CEP192: variants seen among roughly 807,000 people sequenced by gnomAD.
The protein encoded by CEP192 is centrosomal protein 192, also known as centrosomal protein of 192 kDa.
CEP192 carries 151 observed loss-of-function variants against 271.8 expected under a neutral mutation model. The observed-to-expected ratio is 0.56, with a 90% CI of 0.49 to 0.64. The LOEUF (loss-of-function observed/expected upper bound fraction) is 0.64, where lower values mean the gene tolerates loss of function less well. Ranked by LOEUF, CEP192 falls within the 30% of genes least tolerant of loss-of-function variation. CEP192 has a pLI of 0.00. For missense variants in CEP192, 2,910 were observed against 3,020.5 expected, an observed-to-expected ratio of 0.96 and a Z score of 0.86; for synonymous variants, 995 against 1,076.5, an observed-to-expected ratio of 0.92 and a Z score of 1.48.
chr18:13,091,906 CTT>C (rs2039164110), intron 33 of CEP192, among the ~76,000 whole-genome samples: 2 of 152,134 alleles, frequency 1.3e-5, no homozygotes, highest in African/African-American at 4.8e-5. Context: ...GATTTTTCCT[CTT>C]TGCAGTAGAG....
intron 34 of CEP192, among the ~76,000 whole-genome samples, chr18:13,093,556 T>G (rs538485100): frequency 5.3e-5 from 8 of 152,316 alleles, no homozygotes; most frequent in African/African-American, 1.7e-4. Flanking sequence ...AGGTGAAGCC[T>G]GGAGAAGTCT....
At chr18:13,106,916 C>A (rs2039984587) in intron 40 of CEP192, among the ~76,000 whole-genome samples, 1 of 152,206 alleles carries the variant, frequency 6.6e-6, no homozygotes, top group Non-Finnish European at 1.5e-5. Context: ...TCCACTGTAG[C>A]CAAAATTATC....
chr18:13,124,169 AAG>A (rs2040800458), intron 44 of CEP192, among the ~76,000 whole-genome samples: 1 of 151,496 alleles, frequency 6.6e-6, no homozygotes, highest in Non-Finnish European at 1.5e-5. Context: ...TCAAAAAAAA[AAG>A]GATCATATGA....
intron 27 of CEP192, among the ~76,000 whole-genome samples, chr18:13,070,272 A>G (rs573088671): frequency 3.3e-5 from 5 of 152,204 alleles, no homozygotes; most frequent in African/African-American, 1.2e-4. Flanking sequence ...TACCTAATAC[A>G]TGGTGTGACT....
chr18:13,031,243 G>GTTTTT (rs60557979), intron 11 of CEP192, among the ~76,000 whole-genome samples: 67 of 101,648 alleles, frequency 6.6e-4, no homozygotes, highest in African/African-American at 1.8e-3. Context: ...CCTTATTGTT[G>GTTTTT]TTTTTTTTTT....
chr18:13,103,221 GTC>G (rs1270109284), intron 38 of CEP192, among the ~76,000 whole-genome samples: 1 of 152,178 alleles, frequency 6.6e-6, no homozygotes, highest in Admixed American at 6.5e-5. Context: ...ATGCCTTGCA[GTC>G]TCTTTTTTAC....
At chr18:13,074,154 T>G (rs774456522) in intron 30 of CEP192, among the ~76,000 whole-genome samples, 7 of 152,118 alleles carry the variant, frequency 4.6e-5, no homozygotes, top group Non-Finnish European at 1.0e-4. Flanking sequence ...TATATCCTAG[T>G]GTTAAAGAGG....
chr18:13,069,990 G>A, intron 27 of CEP192, 134 bp downstream of exon 27: 1 of 565,640 alleles, frequency 1.8e-6, no homozygotes, highest in Non-Finnish European at 3.2e-6. Flanking sequence ...GCGAAATCCT[G>A]TCTCTACTAA....
At chr18:13,038,641 A>G (rs1326570994) in intron 13 of CEP192, 62 bp downstream of exon 13, 2 of 1,244,966 alleles carry the variant, frequency 1.6e-6, no homozygotes, top group Non-Finnish European at 2.3e-6. Flanking sequence ...GAGTATTATG[A>G]TGGCACAGTG....
chr18:13,017,373 C>T (rs778588058), intron 7 of CEP192, 37 bp downstream of exon 7: 25 of 1,449,062 alleles, frequency 1.7e-5, no homozygotes, highest in Non-Finnish European at 2.1e-5. Flanking sequence ...AGAAATTTGA[C>T]ATTAGAAAAT....
At chr18:12,992,026 C>G (rs955662058) in intron 1 of CEP192, among the ~76,000 whole-genome samples, 1 of 152,158 alleles carries the variant, frequency 6.6e-6, no homozygotes, top group African/African-American at 2.4e-5. Flanking sequence ...ATTTCATTAT[C>G]AACAGAACGT....
At chr18:13,079,325 A>C (rs1478665756) in intron 30 of CEP192, among the ~76,000 whole-genome samples, 3 of 152,184 alleles carry the variant, frequency 2.0e-5, no homozygotes, top group Non-Finnish European at 4.4e-5. Flanking sequence ...AATGATCACC[A>C]TTCTGACTGG....
chr18:13,114,209 C>A lies in CEP192; in HGVS notation c.7247C>A (p.Pro2416His). ...SLIKIDHLVK[P>H]RRQAVSEASA... ...ATTAAAATAGATCATTTAGTTAAGCCCCGAAGACAAGCTGTGTCAGAGGCT... is the reference window on the plus strand; with the variant it reads ...ATTAAAATAGATCATTTAGTTAAGCACCGAAGACAAGCTGTGTCAGAGGCT... Residue 2416 changes from proline (P) to histidine (H), a missense_variant, in exon 42 of 45, where the codon CCC (proline) becomes CAC (histidine). Transcript: ENST00000506447. 1 of 1,613,950 alleles carries A rather than the reference C, an allele frequency of 6.2e-7. No individual in the cohort carries two copies. Among genetic ancestry groups the A allele is most frequent in the Non-Finnish European group, 8.5e-7 (1 of 1,179,974 alleles).
At chr18:13,026,317 G>T (rs2035298097) in intron 9 of CEP192, among the ~76,000 whole-genome samples, 1 of 152,086 alleles carries the variant, frequency 6.6e-6, no homozygotes, top group African/African-American at 2.4e-5. Context: ...AGTTTGAAAT[G>T]ATATGCTTAG....
At chr18:13,021,363 TAAA>T (rs2034984194) in intron 9 of CEP192, among the ~76,000 whole-genome samples, 2 of 152,362 alleles carry the variant, frequency 1.3e-5, no homozygotes, top group South Asian at 2.1e-4. Context: ...CACCATTTAT[TAAA>T]AAGGCTGTTC....
chr18:13,069,743 A>T lies in CEP192; in HGVS notation c.5061A>T (p.Pro1687=), dbSNP rs2037909858. ...NIEVYLDIKV[P]EQGSHFSVDP... ...GATTATGTAACTATATTTAGGTCCC[A>T]GAACAAGGAAGTCACTTTTCAGTGG... Residue 1687 remains proline, a synonymous_variant, in exon 27 of 45, where the codon CCA becomes CCT. Transcript: ENST00000506447. 6.4e-7 allele frequency: 1 copy of T among 1,551,038 alleles called. No homozygotes were observed. Among genetic ancestry groups the T allele is most frequent in the Non-Finnish European group, 8.9e-7 (1 of 1,127,294 alleles).
At chr18:13,106,883 T>TA (rs1322945440) in intron 40 of CEP192, among the ~76,000 whole-genome samples, 2 of 152,238 alleles carry the variant, frequency 1.3e-5, no homozygotes, top group Non-Finnish European at 2.9e-5. Context: ...AGATGTAGTT[T>TA]AAAAACAGCT....
chr18:13,057,902 T>C, intron 20 of CEP192, 169 bp downstream of exon 20: 1 of 433,268 alleles, frequency 2.3e-6, no homozygotes. Context: ...TTGTAGAGTG[T>C]AAAGTGAAAC....
At chr18:13,079,213 T>A (rs1353226107) in intron 30 of CEP192, among the ~76,000 whole-genome samples, 2 of 152,212 alleles carry the variant, frequency 1.3e-5, no homozygotes, top group African/African-American at 4.8e-5. Context: ...ATTGCCACAC[T>A]CTCTTCCACA....
Sources: gnomAD v4.1 joint callset for allele counts (sites outside exome capture counted in the v4.1 genomes callset) on GRCh38, gnomAD v4.1.1 for gene constraint, MANE v1.5 for transcripts, NCBI Gene and HGNC (gene_info 2026-07-23, HGNC 2026-07-21) for gene names.